The following ATL1 variants were observed in gnomAD, a reference collection of about 807,000 sequenced individuals.
ATL1 encodes the protein atlastin GTPase 1, also known as atlastin-1.
In ATL1, 31 loss-of-function variants were observed where a neutral mutation model predicts 75.5. The observed-to-expected ratio is 0.41, with a 90% CI of 0.31 to 0.55. ATL1 has a LOEUF of 0.55. ATL1 is among the 20% of genes least tolerant of loss of function. ATL1 has a pLI of 0.27. For missense variants in ATL1, 405 were observed against 662.6 expected (o/e 0.61, Z 4.27); for synonymous variants, 226 against 233.3 (o/e 0.97, Z 0.28).
intron 1 of ATL1, among the ~76,000 whole-genome samples, chr14:50,540,897 A>C (rs7152982): frequency 0.84 from 127,812 of 152,176 alleles, 55,666 homozygotes; most frequent in Non-Finnish European, 0.94. Context: ...ACCATTAAAG[A>C]TATGAAAGAT....
At chr14:50,596,985 G>A (rs1355806878) in intron 6 of ATL1, among the ~76,000 whole-genome samples, 1 of 152,004 alleles carries the variant, frequency 6.6e-6, no homozygotes, top group Non-Finnish European at 1.5e-5. Context: ...TAAGGTGGGT[G>A]GATTGCTTGA....
rs796268863 is a variant in ATL1 at position 50,543,766 on chromosome 14, G to C, written c.-140+10399G>C. Among the ~76,000 whole-genome samples the C allele has an allele frequency of 9.2e-5, 14 of 152,272 alleles. 1 individual carries two copies. Among genetic ancestry groups the C allele is most frequent in the African/African-American group, 3.1e-4 (13 of 41,558 alleles). ...GAACCAAGAGGCAGAGGTAGGAGTGGCTCTTCTATTATTCCTAATAACTCT... is the reference window on the plus strand; with the variant it reads ...GAACCAAGAGGCAGAGGTAGGAGTGCCTCTTCTATTATTCCTAATAACTCT... On this transcript the variant is annotated intron_variant, in intron 1 of 13. Coordinates refer to the ATL1 transcript ENST00000441560.
chr14:50,546,121 C>G (rs979060892), intron 1 of ATL1, among the ~76,000 whole-genome samples: 9 of 152,044 alleles, frequency 5.9e-5, no homozygotes, highest in African/African-American at 2.2e-4. Context: ...GTTAGAAACT[C>G]ATTTGAAACT....
intron 12 of ATL1, 30 bp downstream of exon 12, chr14:50,628,492 T>G (rs2039544842): frequency 1.9e-6 from 3 of 1,604,456 alleles, no homozygotes; most frequent in Non-Finnish European, 2.6e-6. Context: ...ACAACTAAAT[T>G]CAGCACACAT....
At position 50,625,914 on chromosome 14, in the gene ATL1, GA is replaced by G. The variant is rs368637913; in HGVS notation, c.1120-2107del. ...TGAGACCCGTCTCAAAAAAAAAAAAGAAAAAAAAAATCATGCTATACCTACT... is the reference window on the plus strand; with the variant it reads ...TGAGACCCGTCTCAAAAAAAAAAAAGAAAAAAAAATCATGCTATACCTACT... On this transcript the variant is annotated intron_variant, in intron 11 of 13. Transcript: ENST00000358385. Among the ~76,000 whole-genome samples the G allele has an allele frequency of 6.8e-3, 919 of 134,206 alleles. 4 individuals carry two copies. The highest frequency in any genetic ancestry group is 0.023 in the African/African-American group (872 of 37,798). 88.0% of individuals were successfully genotyped at this position (134,206 alleles called of 152,430 possible).
At chr14:50,586,607 A>G (rs934896227) in intron 1 of ATL1, among the ~76,000 whole-genome samples, 3 of 152,158 alleles carry the variant, frequency 2.0e-5, no homozygotes, top group Non-Finnish European at 1.5e-5. Flanking sequence ...CTGAGGAATT[A>G]ATTGGTGTAT....
At chr14:50,592,552 A>AT (rs397813251) in intron 4 of ATL1, among the ~76,000 whole-genome samples, 2 of 151,712 alleles carry the variant, frequency 1.3e-5, no homozygotes, top group Non-Finnish European at 1.5e-5. Flanking sequence ...TAAAAAAAAA[A>AT]GTCATGGTTA....
chr14:50,550,186 G>A lies in ATL1; in HGVS notation c.-139-9941G>A, dbSNP rs148684442. The stretch of plus-strand genomic sequence containing the variant: ...AGTGGTCATAGTGCAGATTGCATAG[G>A]CAAGGCTGGAAGCTTACCAATTGGC... On this transcript the variant is annotated intron_variant, in intron 1 of 13. Transcript: ENST00000441560. 2.0e-3 allele frequency among the ~76,000 whole-genome samples: 308 copies of A among 152,308 alleles called. 4 individuals carry two copies. Among genetic ancestry groups the A allele is most frequent in the African/African-American group, 7.2e-3 (299 of 41,554 alleles).
intron 6 of ATL1, among the ~76,000 whole-genome samples, chr14:50,611,065 C>A (rs1488283748): frequency 2.0e-5 from 3 of 152,028 alleles, no homozygotes; most frequent in South Asian, 2.1e-4. Context: ...TCTTGAAAAA[C>A]TGACTTGCAC....
chr14:50,587,478 A>T (rs2039112907), intron 1 of ATL1, among the ~76,000 whole-genome samples: 1 of 151,922 alleles, frequency 6.6e-6, no homozygotes, highest in South Asian at 2.1e-4. Flanking sequence ...TGGCACAATC[A>T]TATCTCACTG....
At chr14:50,632,036 C>A (rs1020072496) in intron 13 of ATL1, 193 bp from the exon 14 acceptor site, 6 of 453,620 alleles carry the variant, frequency 1.3e-5, no homozygotes, top group Admixed American at 7.4e-5. Flanking sequence ...CAGGTCAACA[C>A]ACAAAAGTGT....
At chr14:50,587,700 C>A in intron 1 of ATL1, 131 bp from the exon 2 acceptor site, 4 of 1,277,796 alleles carry the variant, frequency 3.1e-6, no homozygotes, top group South Asian at 1.3e-5. Flanking sequence ...TGAGCCACTG[C>A]ACCCAGCATA....
intron 1 of ATL1, among the ~76,000 whole-genome samples, chr14:50,572,459 A>G (rs935155480): frequency 2.6e-5 from 4 of 152,076 alleles, no homozygotes; most frequent in African/African-American, 9.7e-5. Flanking sequence ...CTTGAAATCT[A>G]TCCATTTCAT....
chr14:50,587,297 A>T (rs571049507), intron 1 of ATL1, among the ~76,000 whole-genome samples: 4 of 152,270 alleles, frequency 2.6e-5, no homozygotes, highest in African/African-American at 4.8e-5. Flanking sequence ...TTCTTGAAAA[A>T]TTTTTTTGAT....
chr14:50,554,320 A>T (rs1350433790), intron 1 of ATL1, among the ~76,000 whole-genome samples: 1 of 152,232 alleles, frequency 6.6e-6, no homozygotes, highest in African/African-American at 2.4e-5. Context: ...GCTAACAGGC[A>T]TCATAATTGT....
At chr14:50,538,035 G>A (rs2038515901) in intron 1 of ATL1, among the ~76,000 whole-genome samples, 2 of 152,304 alleles carry the variant, frequency 1.3e-5, no homozygotes, top group South Asian at 2.1e-4. Flanking sequence ...GGGGCAGAAT[G>A]GTATGGTTTG....
chr14:50,594,065 A>G lies in ATL1; in HGVS notation c.573+169A>G, dbSNP rs529690184. On this transcript the variant is annotated intron_variant, in intron 5 of 13. Transcript: ENST00000358385. Reference sequence around the variant, plus strand: ...ATTACTGCCTGAGACTGGTTAATTTATAAAGGAAAGAGGTTTAATTGACTC... The same window carrying G: ...ATTACTGCCTGAGACTGGTTAATTTGTAAAGGAAAGAGGTTTAATTGACTC... 1.9e-3 allele frequency among the ~76,000 whole-genome samples: 287 copies of G among 152,350 alleles called. 1 individual carries two copies. Among genetic ancestry groups the G allele is most frequent in the Non-Finnish European group, 6.5e-4 (44 of 68,030 alleles).
rs2039162886 is a variant in ATL1, at chr14:50,591,951, T to C, written c.522+312T>C. On this transcript the variant is annotated intron_variant, in intron 4 of 13. Transcript: ENST00000358385. ...AACATAAATCTTATATGCGTATACA[T>C]TGAGACCATCTATTGTAAGTTATGT... 1.1e-5 allele frequency: 3 copies of C among 262,452 alleles called. No individual in the cohort carries two copies. The South Asian group carries it at 1.7e-4, about 15-fold the overall frequency. The allele number at this position is 262,452 out of a possible 1,614,324, so 16.3% of individuals were successfully genotyped here.
chr14:50,557,745 A>G (rs376621379), upstream of ATL1, among the ~76,000 whole-genome samples: 3 of 152,240 alleles, frequency 2.0e-5, no homozygotes, highest in Non-Finnish European at 4.4e-5. Flanking sequence ...GTCCACTGAA[A>G]GGGTCTAGAA....
Sources: allele counts gnomAD v4.1 joint callset (sites outside exome capture counted in the v4.1 genomes callset), GRCh38; gene constraint gnomAD v4.1.1; transcripts MANE v1.5; gene names NCBI Gene and HGNC (gene_info 2026-07-23, HGNC 2026-07-21).